The following OR7E24 variants were observed in gnomAD, a reference collection of about 807,000 sequenced individuals.
OR7E24 encodes the protein olfactory receptor 7E24.
For missense variants in OR7E24, 385 were observed against 410.3 expected (o/e 0.94, Z 0.53); for synonymous variants, 130 against 157.5 (o/e 0.83, Z 1.31).
chr19:9,244,741 T>C (rs991416858), upstream of OR7E24, among the ~76,000 whole-genome samples: 1 of 152,118 alleles, frequency 6.6e-6, no homozygotes, highest in African/African-American at 2.4e-5. Flanking sequence ...TTGGACTACA[T>C]CAAAATTAAA....
chr19:9,241,680 C>T, the OR7E24 span, among the ~76,000 whole-genome samples: 1 of 152,106 alleles, frequency 6.6e-6, no homozygotes, highest in African/African-American at 2.4e-5. Context: ...AGGAGAATTG[C>T]TTGAATCTGG....
chr19:9,213,685 C>T, the OR7E24 span: 1 of 528,474 alleles, frequency 1.9e-6, no homozygotes, highest in African/African-American at 1.9e-5. Context: ...TTGCAGTGAG[C>T]CAAGATTGCA....
chr19:9,223,321 G>A, the OR7E24 span, among the ~76,000 whole-genome samples: 1 of 152,190 alleles, frequency 6.6e-6, no homozygotes, highest in Non-Finnish European at 1.5e-5. Flanking sequence ...CAGCCCTTGT[G>A]GCCACTCTGT....
chr19:9,218,627 C>G, the OR7E24 span, among the ~76,000 whole-genome samples: 1 of 152,058 alleles, frequency 6.6e-6, no homozygotes, highest in African/African-American at 2.4e-5. Flanking sequence ...GGTGAACATG[C>G]AAATGGATTT....
chr19:9,251,514 C>A lies in OR7E24; in HGVS notation c.471C>A (p.Arg157=), dbSNP rs1395505189. 2 of 1,614,096 alleles carry A rather than the reference C, an allele frequency of 1.2e-6. No homozygotes were observed. The highest frequency in any genetic ancestry group is 1.7e-6 in the Non-Finnish European group (2 of 1,179,988). ...ACTACCGAATCATCATGAACCCACGCCTCTGTGGCTTCTTAATCTTGTTGT... is the reference window on the plus strand; with the variant it reads ...ACTACCGAATCATCATGAACCCACGACTCTGTGGCTTCTTAATCTTGTTGT... ...PLHYRIIMNP[R]LCGFLILLSF... Residue 157 remains arginine, a synonymous_variant, in exon 1 of 1, where the codon CGC becomes CGA. Coordinates refer to ENST00000456448, the MANE Select transcript of OR7E24 (RefSeq NM_001079935.2).
the OR7E24 span, among the ~76,000 whole-genome samples, chr19:9,225,282 A>C: frequency 6.6e-6 from 1 of 152,086 alleles, no homozygotes; most frequent in Non-Finnish European, 1.5e-5. Context: ...AGGCAAGAGA[A>C]CTGCTTGAAC....
At chr19:9,250,820 C>A (rs147425696), upstream of OR7E24, 142 of 393,974 alleles carry the variant, frequency 3.6e-4, 1 homozygote, top group East Asian at 5.7e-3. Context: ...TTTCTAAAAT[C>A]TCTAATGTTT....
chr19:9,214,397 T>G, the OR7E24 span: 1 of 1,614,080 alleles, frequency 6.2e-7, no homozygotes, highest in African/African-American at 1.3e-5. Context: ...TGAACCAAGA[T>G]GCCAGAACCA....
At chr19:9,236,328 G>A in the OR7E24 span, among the ~76,000 whole-genome samples, 1 of 151,952 alleles carries the variant, frequency 6.6e-6, no homozygotes, top group Non-Finnish European at 1.5e-5. Flanking sequence ...CTGGCCAACA[G>A]GTGAAACCCT....
chr19:9,229,545 AGAAAG>A, the OR7E24 span, among the ~76,000 whole-genome samples: 4 of 149,924 alleles, frequency 2.7e-5, no homozygotes, highest in Non-Finnish European at 5.9e-5. Context: ...AAAAAAAAAA[AGAAAG>A]AAAGAAAAGA....
the OR7E24 span, among the ~76,000 whole-genome samples, chr19:9,226,323 G>C: frequency 6.6e-6 from 1 of 152,174 alleles, no homozygotes; most frequent in Non-Finnish European, 1.5e-5. Flanking sequence ...ACTGAACAAA[G>C]GAGACAAGGT....
upstream of OR7E24, among the ~76,000 whole-genome samples, chr19:9,245,077 G>A (rs141696232): frequency 5.4e-4 from 82 of 151,986 alleles, no homozygotes; most frequent in African/African-American, 1.6e-3. Flanking sequence ...ATTAGCGGGC[G>A]GGTGGCCTGC....
At chr19:9,222,229 A>G in the OR7E24 span, among the ~76,000 whole-genome samples, 165 of 152,290 alleles carry the variant, frequency 1.1e-3, 1 homozygote, top group African/African-American at 3.8e-3. Flanking sequence ...AGCTTTGTCA[A>G]ATAGTTTTAA....
At chr19:9,248,851 C>T (rs1313821874), upstream of OR7E24, among the ~76,000 whole-genome samples, 1 of 152,176 alleles carries the variant, frequency 6.6e-6, no homozygotes, top group Non-Finnish European at 1.5e-5. Flanking sequence ...TTTCTGAGAG[C>T]TGGGAAACAA....
the OR7E24 span, chr19:9,235,619 A>G: frequency 1.9e-6 from 3 of 1,575,352 alleles, no homozygotes; most frequent in East Asian, 6.7e-5. Context: ...TCCCTGGTTC[A>G]TATTCTACTG....
rs1219560960 is a variant in OR7E24, at chr19:9,251,227, C to T, written c.184C>T (p.Leu62Phe). 3 of 1,613,846 alleles carry T rather than the reference C, an allele frequency of 1.9e-6. No individual in the cohort carries two copies. Among genetic ancestry groups the T allele is most frequent in the Non-Finnish European group, 2.5e-6 (3 of 1,179,954 alleles). ...CCTGGTCACGGTGCTGGGGAACCTG[C>T]TCATCATCCTGGCTGTCAGCTCTGA... is the stretch of plus-strand genomic sequence containing the variant. ...MYLVTVLGNLLIILAVSSDSH... is the reference protein window; with the variant it reads ...MYLVTVLGNLFIILAVSSDSH... Residue 62 changes from leucine to phenylalanine, a missense_variant, in exon 1 of 1, where the codon CTC (leucine) becomes TTC (phenylalanine). Physicochemically the swap from Leu to Phe is conservative, Grantham distance 22 (BLOSUM62 0). Transcript: ENST00000456448.
the OR7E24 span, chr19:9,208,340 T>C: frequency 1.3e-5 from 2 of 152,166 alleles, no homozygotes; most frequent in Non-Finnish European, 2.9e-5. Flanking sequence ...CCAGCCCTGG[T>C]TTCTATTCCT....
At chr19:9,247,211 CCT>C (rs200850123), upstream of OR7E24, 289 of 346,094 alleles carry the variant, frequency 8.4e-4, 6 homozygotes, top group East Asian at 0.011. Context: ...TCTTCTTCTT[CCT>C]CTGTTAATAT....
chr19:9,232,572 C>A, the OR7E24 span, among the ~76,000 whole-genome samples: 5 of 149,266 alleles, frequency 3.3e-5, no homozygotes, highest in African/African-American at 1.2e-4. Context: ...ATTCTTCGTG[C>A]ACTTTGTAAA....
Sources: allele counts gnomAD v4.1 joint callset (sites outside exome capture counted in the v4.1 genomes callset), GRCh38; gene constraint gnomAD v4.1.1; transcripts MANE v1.5; gene names NCBI Gene and HGNC (gene_info 2026-07-23, HGNC 2026-07-21).